The following SH3GL2 variants were observed in gnomAD, a reference collection of about 807,000 sequenced individuals.
SH3GL2 encodes the protein endophilin-A1.
A neutral mutation model predicts 46.0 loss-of-function variants in SH3GL2; 24 were observed. The ratio of observed to expected loss-of-function variants is 0.52; its 90% CI spans 0.38 to 0.73. The LOEUF (loss-of-function observed/expected upper bound fraction) is 0.73, where lower values mean the gene tolerates loss of function less well. Among genes scored for constraint, SH3GL2 ranks in the 30% least tolerant of loss-of-function variants. SH3GL2 has a pLI of 0.00. For missense variants in SH3GL2, 413 were observed against 424.2 expected, an observed-to-expected ratio of 0.97 and a Z score of 0.23; for synonymous variants, 196 against 147.1, an observed-to-expected ratio of 1.33 and a Z score of -2.40.
intron 1 of SH3GL2, among the ~76,000 whole-genome samples, chr9:17,617,128 T>C (rs2134593009): frequency 6.6e-6 from 1 of 152,356 alleles, no homozygotes; most frequent in Non-Finnish European, 1.5e-5. Context: ...ATTATTTCAG[T>C]ACACCAAGAG....
chr9:17,648,148 C>T lies in SH3GL2; in HGVS notation c.45+68861C>T, dbSNP rs73420512. On this transcript the variant is annotated intron_variant, in intron 1 of 8. Coordinates refer to ENST00000380607, the MANE Select transcript of SH3GL2 (RefSeq NM_003026.5). Reference sequence around the variant, plus strand: ...GGCAAGTCTTCCAGTTAACAGTAGGCTATTAGTAGTTAAGCTTTGGAGAGG... The same window carrying T: ...GGCAAGTCTTCCAGTTAACAGTAGGTTATTAGTAGTTAAGCTTTGGAGAGG... Among the ~76,000 whole-genome samples, 931 of 152,224 alleles carry T rather than the reference C, an allele frequency of 6.1e-3. 4 individuals carry two copies. Among genetic ancestry groups the T allele is most frequent in the African/African-American group, 0.022 (895 of 41,522 alleles).
intron 3 of SH3GL2, among the ~76,000 whole-genome samples, chr9:17,779,586 C>T (rs746779945): frequency 9.2e-5 from 14 of 152,132 alleles, no homozygotes; most frequent in Non-Finnish European, 1.8e-4. Flanking sequence ...TTGTATAAAG[C>T]TCCTGGCTTA....
At chr9:17,769,433 A>G (rs1482209626) in intron 3 of SH3GL2, among the ~76,000 whole-genome samples, 1 of 152,146 alleles carries the variant, frequency 6.6e-6, no homozygotes, top group East Asian at 1.9e-4. Flanking sequence ...TCCATCCATT[A>G]AAGATGTAAT....
At chr9:17,633,610 A>G (rs1819480954) in intron 1 of SH3GL2, among the ~76,000 whole-genome samples, 1 of 152,282 alleles carries the variant, frequency 6.6e-6, no homozygotes, top group East Asian at 1.9e-4. Context: ...CATTTGTAGT[A>G]GAGTTTTGAA....
intron 1 of SH3GL2, among the ~76,000 whole-genome samples, chr9:17,705,090 C>G (rs542192670): frequency 6.6e-6 from 1 of 151,548 alleles, no homozygotes; most frequent in South Asian, 2.1e-4. Context: ...AAGACATAAG[C>G]AGACACTTTT....
intron 1 of SH3GL2, among the ~76,000 whole-genome samples, chr9:17,674,353 G>T (rs530299572): frequency 6.6e-6 from 1 of 151,946 alleles, no homozygotes; most frequent in Non-Finnish European, 1.5e-5. Flanking sequence ...TGAAACCTCC[G>T]CCTCACGAGT....
chr9:17,780,193 G>T (rs900521382), intron 3 of SH3GL2, among the ~76,000 whole-genome samples: 1 of 152,102 alleles, frequency 6.6e-6, no homozygotes, highest in Non-Finnish European at 1.5e-5. Flanking sequence ...TCAAGAAACT[G>T]AACATTGTCA....
Position 17,745,054 on chromosome 9 carries a change from A to C in SH3GL2, c.46-2012A>C, listed in dbSNP as rs542136482. ...GGTTTTTCCTGGAAAAACTGCTTCTAATTCTTCCTAGCTAAAGATGTCTAC... is the reference window on the plus strand; with the variant it reads ...GGTTTTTCCTGGAAAAACTGCTTCTCATTCTTCCTAGCTAAAGATGTCTAC... On this transcript the variant is annotated intron_variant, in intron 1 of 8. Coordinates refer to ENST00000380607, the MANE Select transcript of SH3GL2 (RefSeq NM_003026.5). 2.6e-4 allele frequency among the ~76,000 whole-genome samples: 40 copies of C among 152,278 alleles called. No homozygotes were observed. In the South Asian group the frequency reaches 7.7e-3, roughly 29 times the overall value.
At chr9:17,635,926 C>A (rs911490229) in intron 1 of SH3GL2, among the ~76,000 whole-genome samples, 2 of 152,194 alleles carry the variant, frequency 1.3e-5, no homozygotes, top group African/African-American at 4.8e-5. Context: ...AGCCTGGTCA[C>A]AGCAGCAAGT....
At chr9:17,690,753 A>C (rs1287366797) in intron 1 of SH3GL2, among the ~76,000 whole-genome samples, 1 of 152,156 alleles carries the variant, frequency 6.6e-6, no homozygotes, top group Non-Finnish European at 1.5e-5. Flanking sequence ...AGGGGCACCT[A>C]TGTGAATAAA....
At chr9:17,692,193 T>C (rs1308332922) in intron 1 of SH3GL2, among the ~76,000 whole-genome samples, 1 of 151,990 alleles carries the variant, frequency 6.6e-6, no homozygotes, top group Non-Finnish European at 1.5e-5. Context: ...GCTTGCTATG[T>C]ATGGATATGG....
At chr9:17,587,186 A>G (rs932008429) in intron 1 of SH3GL2, among the ~76,000 whole-genome samples, 1 of 152,158 alleles carries the variant, frequency 6.6e-6, no homozygotes, top group Admixed American at 6.5e-5. Flanking sequence ...TGGGCGACAG[A>G]GCGAGACTGT....
intron 1 of SH3GL2, among the ~76,000 whole-genome samples, chr9:17,742,759 A>C (rs149426285): frequency 6.6e-6 from 1 of 152,194 alleles, no homozygotes; most frequent in African/African-American, 2.4e-5. Context: ...TAAAGTCTCA[A>C]TGCTGTACTA....
At chr9:17,587,979 G>A (rs1245459917) in intron 1 of SH3GL2, among the ~76,000 whole-genome samples, 1 of 151,686 alleles carries the variant, frequency 6.6e-6, no homozygotes, top group African/African-American at 2.4e-5. Context: ...CAATTTCTAT[G>A]ATGGAAATTC....
chr9:17,693,788 G>A (rs181101853), intron 1 of SH3GL2, among the ~76,000 whole-genome samples: 9 of 152,160 alleles, frequency 5.9e-5, no homozygotes, highest in Non-Finnish European at 1.0e-4. Flanking sequence ...CTTTTGATGG[G>A]AGAGGAGTCT....
intron 1 of SH3GL2, among the ~76,000 whole-genome samples, chr9:17,594,697 G>A (rs1477747391): frequency 6.6e-6 from 1 of 151,726 alleles, no homozygotes; most frequent in Non-Finnish European, 1.5e-5. Flanking sequence ...TGTAGTGCTC[G>A]GCTCACTGCT....
chr9:17,699,859 T>C (rs896806818), intron 1 of SH3GL2, among the ~76,000 whole-genome samples: 1 of 152,242 alleles, frequency 6.6e-6, no homozygotes, highest in African/African-American at 2.4e-5. Flanking sequence ...TTGAACACTT[T>C]ACATGTATCT....
chr9:17,789,536 C>G lies in SH3GL2; in HGVS notation c.610C>G (p.Leu204Val). The change falls in exon 6 of 9, where the codon CTC becomes GTC. Residue 204 changes from leucine (L) to valine (V), a missense_variant. Physicochemically the swap from Leu to Val is conservative, Grantham distance 32. Transcript: ENST00000380607. The part of the protein sequence containing the change: ...KEIAESSMFN[L>V]LEMDIEQVSQ... Reference sequence around the variant, plus strand: ...AATTGCTGAGTCAAGCATGTTCAATCTCTTGGAGATGGATGTAAGTGACTC... The same window carrying G: ...AATTGCTGAGTCAAGCATGTTCAATGTCTTGGAGATGGATGTAAGTGACTC... 1 of 1,613,382 alleles carries G rather than the reference C, an allele frequency of 6.2e-7. No homozygotes were observed. The highest frequency in any genetic ancestry group is 8.5e-7 in the Non-Finnish European group (1 of 1,179,502).
intron 1 of SH3GL2, among the ~76,000 whole-genome samples, chr9:17,735,532 A>T (rs1021000806): frequency 3.3e-5 from 5 of 152,144 alleles, no homozygotes; most frequent in Admixed American, 1.3e-4. Flanking sequence ...TTTCAACCAA[A>T]CGTGGGTGGA....
Sources: allele counts gnomAD v4.1 joint callset (sites outside exome capture counted in the v4.1 genomes callset), GRCh38; gene constraint gnomAD v4.1.1; transcripts MANE v1.5; gene names NCBI Gene and HGNC (gene_info 2026-07-23, HGNC 2026-07-21).